Variants in MLLT3 observed in about 807,000 individuals in gnomAD.
MLLT3 encodes MLLT3 super elongation complex subunit, also known as protein AF-9.
A neutral mutation model predicts 53.2 loss-of-function variants in MLLT3; 4 were observed. That is an observed-to-expected ratio of 0.08 (90% confidence interval 0.04 to 0.17). The LOEUF (loss-of-function observed/expected upper bound fraction) is 0.17, where lower values mean the gene tolerates loss of function less well. MLLT3 is among the 10% of genes least tolerant of loss of function. MLLT3 has a pLI of 1.00. For synonymous variants in MLLT3, 283 were observed against 230.6 expected (o/e 1.23, Z -2.06); for missense variants, 569 against 684.0 (o/e 0.83, Z 1.87).
At chr9:20,532,168 A>C (rs1587034748) in intron 2 of MLLT3, among the ~76,000 whole-genome samples, 1 of 152,214 alleles carries the variant, frequency 6.6e-6, no homozygotes, top group Admixed American at 6.5e-5. Flanking sequence ...AAGTGAAGAT[A>C]TTCAACTATG....
At chr9:20,357,165 G>GA (rs1331949787) in intron 8 of MLLT3, among the ~76,000 whole-genome samples, 1 of 152,202 alleles carries the variant, frequency 6.6e-6, no homozygotes, top group Admixed American at 6.5e-5. Flanking sequence ...CATTCAACAT[G>GA]CCTTGCAGGC....
intron 2 of MLLT3, among the ~76,000 whole-genome samples, chr9:20,606,677 T>C (rs1233341271): frequency 3.9e-5 from 6 of 152,132 alleles, no homozygotes; most frequent in Non-Finnish European, 7.4e-5. Context: ...AAAGATCCTT[T>C]AGAGAAAACT....
Position 20,350,666 on chromosome 9 carries a change from C to T in MLLT3, c.1575+2859G>A, listed in dbSNP as rs78776137. On this transcript the variant is annotated intron_variant, in intron 10 of 10. Transcript: ENST00000380338. ...TGGAAAAGGAAGAGTGTGTAAACTG[C>T]TTAACTCATTCTTCAGATGATGGTT... Among the ~76,000 whole-genome samples the T allele has an allele frequency of 5.7e-3, 868 of 151,992 alleles. 12 individuals are homozygous for T. The highest frequency in any genetic ancestry group is 0.02 in the African/African-American group (834 of 41,324).
intron 5 of MLLT3, among the ~76,000 whole-genome samples, chr9:20,412,699 A>T (rs1822760610): frequency 6.6e-6 from 1 of 152,218 alleles, no homozygotes; most frequent in Admixed American, 6.5e-5. Context: ...CATTGCCTAG[A>T]AATACGGTCA....
At chr9:20,541,385 A>G (rs773096456) in intron 2 of MLLT3, among the ~76,000 whole-genome samples, 2 of 152,330 alleles carry the variant, frequency 1.3e-5, no homozygotes, top group African/African-American at 2.4e-5. Context: ...TTGCACTGCA[A>G]TGAAGAACTA....
chr9:20,397,205 C>T (rs1462465314), intron 5 of MLLT3, among the ~76,000 whole-genome samples: 1 of 152,078 alleles, frequency 6.6e-6, no homozygotes, highest in Non-Finnish European at 1.5e-5. Context: ...TATTTGAAAG[C>T]ATATTTTTTC....
chr9:20,371,308 C>G (rs1194571243), intron 5 of MLLT3, among the ~76,000 whole-genome samples: 1 of 152,210 alleles, frequency 6.6e-6, no homozygotes, highest in East Asian at 1.9e-4. Flanking sequence ...GGCTACACTA[C>G]ACAAATTTTC....
At position 20,621,690 on chromosome 9, in the gene MLLT3, G is replaced by A. The variant is rs1311726441; in HGVS notation, c.12+555C>T. 2 of 1,389,504 alleles carry A rather than the reference G, an allele frequency of 1.4e-6. No homozygotes were observed. The highest frequency in any genetic ancestry group is 1.9e-6 in the Non-Finnish European group (2 of 1,044,178). 86.1% of individuals were successfully genotyped at this position (1,389,504 alleles called of 1,614,324 possible). ...CTCGGCTCGCGCTCAGCACCTCCCG[G>A]CGCTGGGGCAAAGTTGCGTGCGGCC... On this transcript the variant is annotated intron_variant, in intron 1 of 10. Transcript: ENST00000380338. This position sits in a 1 kb window ranked among gnomAD's most constrained non-coding sequence, Gnocchi z 7.0.
intron 4 of MLLT3, among the ~76,000 whole-genome samples, chr9:20,441,716 AG>A (rs1245078679): frequency 6.6e-6 from 1 of 152,136 alleles, no homozygotes; most frequent in African/African-American, 2.4e-5. Context: ...ATAATCAAAA[AG>A]GTACTTATTC....
chr9:20,613,303 T>A (rs959577538), intron 2 of MLLT3, among the ~76,000 whole-genome samples: 1 of 152,100 alleles, frequency 6.6e-6, no homozygotes, highest in South Asian at 2.1e-4. Flanking sequence ...TATATCTCAA[T>A]TGTAAAAAAA....
chr9:20,566,865 G>A (rs139654188), intron 2 of MLLT3, among the ~76,000 whole-genome samples: 2 of 152,188 alleles, frequency 1.3e-5, no homozygotes, highest in Non-Finnish European at 2.9e-5. Context: ...TGGTTAGCCA[G>A]CACAAGGATA....
chr9:20,418,039 T>C (rs538947974), intron 4 of MLLT3, among the ~76,000 whole-genome samples: 64 of 152,238 alleles, frequency 4.2e-4, no homozygotes, highest in Non-Finnish European at 6.5e-4. Flanking sequence ...AGATCAATCA[T>C]ATTTTGTTCA....
intron 2 of MLLT3, among the ~76,000 whole-genome samples, chr9:20,487,325 T>A (rs553546831): frequency 6.6e-6 from 1 of 152,168 alleles, no homozygotes; most frequent in African/African-American, 2.4e-5. Flanking sequence ...AAAATCTTGC[T>A]GCTGTCTAGC....
At chr9:20,485,582 A>G (rs567162424) in intron 2 of MLLT3, among the ~76,000 whole-genome samples, 1 of 152,224 alleles carries the variant, frequency 6.6e-6, no homozygotes, top group African/African-American at 2.4e-5. Context: ...AAGCCATGAA[A>G]TGTCACCACC....
intron 3 of MLLT3, among the ~76,000 whole-genome samples, chr9:20,456,231 G>A (rs1187799761): frequency 2.6e-5 from 4 of 151,948 alleles, no homozygotes; most frequent in African/African-American, 7.3e-5. Flanking sequence ...GAGCCACCGC[G>A]CCAGGCCTGA....
chr9:20,539,219 G>C (rs1818561817), intron 2 of MLLT3, among the ~76,000 whole-genome samples: 1 of 152,230 alleles, frequency 6.6e-6, no homozygotes, highest in Admixed American at 6.5e-5. Context: ...TTTACCCACA[G>C]TTGAACTTCC....
chr9:20,460,348 C>A (rs996643640), intron 2 of MLLT3, among the ~76,000 whole-genome samples: 1 of 152,130 alleles, frequency 6.6e-6, no homozygotes. Flanking sequence ...CTTTAGAAAG[C>A]CATTAAAATC....
At chr9:20,372,666 C>T (rs1156330335) in intron 5 of MLLT3, among the ~76,000 whole-genome samples, 5 of 150,790 alleles carry the variant, frequency 3.3e-5, no homozygotes, top group African/African-American at 4.9e-5. Context: ...CCTTGGCCTC[C>T]CAAAGTGCTG....
intron 2 of MLLT3, among the ~76,000 whole-genome samples, chr9:20,464,491 T>C (rs924888275): frequency 6.6e-6 from 1 of 152,032 alleles, no homozygotes; most frequent in African/African-American, 2.4e-5. Context: ...CATGCATATA[T>C]AAAATACTGA....
Sources: gnomAD v4.1 joint callset for allele counts (sites outside exome capture counted in the v4.1 genomes callset) on GRCh38, gnomAD v4.1.1 for gene constraint, Gnocchi (gnomAD v3.1) non-coding constraint, MANE v1.5 for transcripts, NCBI Gene and HGNC (gene_info 2026-07-23, HGNC 2026-07-21) for gene names.